The following PDK4 variants were observed in gnomAD, a reference collection of about 807,000 sequenced individuals.
PDK4 encodes the protein pyruvate dehydrogenase kinase, isozyme 4.
A neutral mutation model predicts 51.7 loss-of-function variants in PDK4; 43 were observed. The ratio of observed to expected loss-of-function variants is 0.83; its 90% CI spans 0.65 to 1.07. The LOEUF is 1.07. PDK4 is among the 50% of genes least tolerant of loss of function. The probability of loss-of-function intolerance (pLI) is 0.00; values close to 1 mark genes in which losing one functional copy is unlikely to be tolerated. For missense variants in PDK4, 498 were observed against 503.5 expected, an observed-to-expected ratio of 0.99 and a Z score of 0.10; for synonymous variants, 170 against 176.6, an observed-to-expected ratio of 0.96 and a Z score of 0.30.
At chr7:95,590,138 G>C (rs1791533283) in intron 6 of PDK4, among the ~76,000 whole-genome samples, 4 of 152,068 alleles carry the variant, frequency 2.6e-5, no homozygotes, top group African/African-American at 9.7e-5. Flanking sequence ...CTATAAATTA[G>C]ATTTTGTGGA....
chr7:95,592,875 G>A lies in PDK4; in HGVS notation c.414C>T (p.Ile138=). Residue 138 remains isoleucine, a synonymous_variant, in exon 4 of 11, where the codon ATC becomes ATT. Coordinates refer to ENST00000005178, the MANE Select transcript of PDK4 (RefSeq NM_002612.4). ...HNVVPTMAQG[I]IEYKDACTVD... ...CTGTACAGGCATCTTTATACTCTAT[G>A]ATTCCTTGTGCCATTGTAGGGACTA... The A allele has an allele frequency of 6.2e-7, 1 of 1,611,742 alleles. No individual in the cohort carries two copies. Among genetic ancestry groups the A allele is most frequent in the Non-Finnish European group, 8.5e-7 (1 of 1,178,080 alleles).
chr7:95,596,231 G>A lies in PDK4; in HGVS notation c.63C>T (p.Pro21=). The A allele has an allele frequency of 6.2e-7, 1 of 1,603,260 alleles. No homozygotes were observed. The highest frequency in any genetic ancestry group is 8.5e-7 in the Non-Finnish European group (1 of 1,175,044). ...AGCGCGAGAAATGCTCCACCTCTCG[G>A]GGCACCAGGCCGGCGCCGTTGAGCG... ...AGSLNGAGLV[P]REVEHFSRYS... Residue 21 remains proline, a synonymous_variant, in exon 1 of 11, where the codon CCC becomes CCT. Coordinates refer to ENST00000005178, the MANE Select transcript of PDK4 (RefSeq NM_002612.4).
intron 6 of PDK4, among the ~76,000 whole-genome samples, chr7:95,591,029 C>T (rs1229535338): frequency 8.5e-5 from 13 of 152,150 alleles, no homozygotes; most frequent in Non-Finnish European, 1.9e-4. Context: ...CCTTGACTTC[C>T]TGGTCTCAAG....
At position 95,592,849 on chromosome 7, in the gene PDK4, A is replaced by G. The variant is rs749470582; in HGVS notation, c.440T>C (p.Val147Ala). 6.2e-7 allele frequency: 1 copy of G among 1,611,808 alleles called. No homozygotes were observed. Among genetic ancestry groups the G allele is most frequent in the Non-Finnish European group, 8.5e-7 (1 of 1,178,170 alleles). Residue 147 changes from valine (V) to alanine (A), a missense_variant, in exon 4 of 11, where the codon GTT becomes GCT. Val to Ala is a moderately conservative substitution (Grantham distance 64). Transcript: ENST00000005178. ...GIIEYKDACT[V>A]DPVTNQNLQY... ...AAGATTTTGATTGGTGACTGGGTCAACTGTACAGGCATCTTTATACTCTAT... is the reference window on the plus strand; with the variant it reads ...AAGATTTTGATTGGTGACTGGGTCAGCTGTACAGGCATCTTTATACTCTAT...
chr7:95,590,577 A>G (rs895327046), intron 6 of PDK4, among the ~76,000 whole-genome samples: 1 of 152,170 alleles, frequency 6.6e-6, no homozygotes, highest in African/African-American at 2.4e-5. Context: ...GTTTATCTAC[A>G]AGTATTATGC....
At chr7:95,592,198 A>G in intron 5 of PDK4, 133 bp from the exon 6 acceptor site, 1 of 444,816 alleles carries the variant, frequency 2.2e-6, no homozygotes. Context: ...ATAAAAATAT[A>G]TTTTAATATT....
At chr7:95,590,667 T>C (rs112889246) in intron 6 of PDK4, among the ~76,000 whole-genome samples, 23 of 152,224 alleles carry the variant, frequency 1.5e-4, no homozygotes, top group Non-Finnish European at 1.2e-4. Flanking sequence ...CATTTGCTTG[T>C]CCCTAATCTG....
intron 10 of PDK4, among the ~76,000 whole-genome samples, 173 bp from the exon 11 acceptor site, chr7:95,585,954 C>G (rs1791476494): frequency 6.6e-6 from 1 of 152,120 alleles, no homozygotes; most frequent in Admixed American, 6.5e-5. Context: ...GTCTATGGCT[C>G]TTTCTTAATA....
Position 95,585,593 on chromosome 7 carries a change from C to A in PDK4, c.*48G>T. Reference sequence around the variant, plus strand: ...ACACACAAACATTCAGGAAGCAGCACTGGTGTAGACCCACTTTGATCCCGT... The same window carrying A: ...ACACACAAACATTCAGGAAGCAGCAATGGTGTAGACCCACTTTGATCCCGT... On this transcript the variant is annotated 3_prime_UTR_variant, in exon 11 of 11. Coordinates refer to ENST00000005178, the MANE Select transcript of PDK4 (RefSeq NM_002612.4). 6.6e-7 allele frequency: 1 copy of A among 1,514,094 alleles called. No homozygotes were observed. The highest frequency in any genetic ancestry group is 1.3e-5 in the South Asian group (1 of 76,808). The allele number at this position is 1,514,094 out of a possible 1,614,324, so 93.8% of individuals were successfully genotyped here. A position where few individuals can be genotyped will look rare whatever the true frequency, so the allele number is the denominator to read the frequency against.
chr7:95,594,219 A>C (rs996641501), intron 2 of PDK4, among the ~76,000 whole-genome samples: 1 of 152,146 alleles, frequency 6.6e-6, no homozygotes, highest in African/African-American at 2.4e-5. Context: ...GTATTTCTTG[A>C]ATCAATGAAC....
At position 95,594,601 on chromosome 7, in the gene PDK4, A is replaced by G. The variant is rs141836546; in HGVS notation, c.272+422T>C. On this transcript the variant is annotated intron_variant, in intron 2 of 10. Coordinates refer to ENST00000005178, the MANE Select transcript of PDK4 (RefSeq NM_002612.4). Reference sequence around the variant, plus strand: ...TAGAAGTGACAGAGGCAGGATTTGAACCCAGAGCCCACTCTGTCAATCACT... The same window carrying G: ...TAGAAGTGACAGAGGCAGGATTTGAGCCCAGAGCCCACTCTGTCAATCACT... 1.1e-3 allele frequency among the ~76,000 whole-genome samples: 162 copies of G among 152,300 alleles called. 1 individual carries two copies. Among genetic ancestry groups the G allele is most frequent in the African/African-American group, 3.7e-3 (153 of 41,574 alleles).
intron 2 of PDK4, among the ~76,000 whole-genome samples, chr7:95,594,450 G>A (rs1055167338): frequency 3.3e-5 from 5 of 150,868 alleles, no homozygotes; most frequent in African/African-American, 1.2e-4. Context: ...TCTTTTTTAT[G>A]GATTATCTCA....
chr7:95,587,490 A>G lies in PDK4; in HGVS notation c.909T>C (p.Ile303=). Residue 303 remains isoleucine (I), a synonymous_variant, in exon 9 of 11, where the codon ATT becomes ATC. Transcript: ENST00000005178. ...DRGGGVPLRI[I]DRLFSYTYST... ...AGTATGTATAACTAAAGAGGCGGTC[A>G]ATAATTCTCAGGGGAACACCACCTC... The G allele has an allele frequency of 1.2e-6, 2 of 1,610,650 alleles. No individual in the cohort carries two copies. Among genetic ancestry groups the G allele is most frequent in the African/African-American group, 1.3e-5 (1 of 74,986 alleles).
chr7:95,591,622 G>A (rs1241374238), intron 6 of PDK4, among the ~76,000 whole-genome samples: 2 of 152,084 alleles, frequency 1.3e-5, no homozygotes, highest in African/African-American at 4.8e-5. Flanking sequence ...CAGGTCTTAT[G>A]GGTAACCTCT....
chr7:95,590,866 CT>C (rs1562837745), intron 6 of PDK4, among the ~76,000 whole-genome samples: 5 of 152,246 alleles, frequency 3.3e-5, no homozygotes, highest in Middle Eastern at 3.4e-3. Flanking sequence ...AAAATAGTGC[CT>C]TTCGTTCATC....
intron 4 of PDK4, 72 bp from the exon 5 acceptor site, chr7:95,592,669 G>C: frequency 7.3e-7 from 1 of 1,365,636 alleles, no homozygotes; most frequent in Non-Finnish European, 1.0e-6. Flanking sequence ...CACTGAGAAT[G>C]TGACCCGCTG....
rs1410634831 is a variant in PDK4, at chr7:95,584,684, A to C, written c.*957T>G. Reference sequence around the variant, plus strand: ...TATATCTTTTAAGCCTAGAAAATGGATGCCTTTGGATTACCTTCATTTCAG... The same window carrying C: ...TATATCTTTTAAGCCTAGAAAATGGCTGCCTTTGGATTACCTTCATTTCAG... On this transcript the variant is annotated 3_prime_UTR_variant, in exon 11 of 11. Transcript: ENST00000005178. 1 of 152,208 alleles carries C rather than the reference A, an allele frequency of 6.6e-6. No individual in the cohort carries two copies. Among genetic ancestry groups the C allele is most frequent in the Non-Finnish European group, 1.5e-5 (1 of 68,024 alleles). 9.4% of individuals were successfully genotyped at this position (152,208 alleles called of 1,614,324 possible).
chr7:95,592,955 A>G lies in PDK4; in HGVS notation c.345-11T>C, dbSNP rs1233277335. ...AGTGTATCTACAAAGCTAAGCCACA[A>G]TATTTATGGTTAGTAAAAGTTCAAA... On this transcript the variant is annotated splice_polypyrimidine_tract_variant and intron_variant, in intron 3 of 10. Coordinates refer to ENST00000005178, the MANE Select transcript of PDK4 (RefSeq NM_002612.4). 1.3e-6 allele frequency: 2 copies of G among 1,544,438 alleles called. No homozygotes were observed. Among genetic ancestry groups the G allele is most frequent in the Admixed American group, 3.9e-5 (2 of 51,038 alleles).
In PDK4 at chr7:95,585,533, G is replaced by A. The variant is rs112832254; in HGVS notation, c.*108C>T. 73 of 970,334 alleles carry A rather than the reference G, an allele frequency of 7.5e-5. 1 individual carries two copies. The highest frequency in any genetic ancestry group is 5.3e-4 in the African/African-American group (33 of 61,900). The allele number at this position is 970,334 out of a possible 1,614,324, so 60.1% of individuals were successfully genotyped here. ...TCAGTGTTCTGATTAAGGAGTTTTC[G>A]TTGCTGTCGTTTGTTTTGGAGGAAA... is the stretch of plus-strand genomic sequence containing the variant. On this transcript the variant is annotated 3_prime_UTR_variant, in exon 11 of 11. Transcript: ENST00000005178.
Sources: allele counts gnomAD v4.1 joint callset (sites outside exome capture counted in the v4.1 genomes callset), GRCh38; gene constraint gnomAD v4.1.1; transcripts MANE v1.5; gene names NCBI Gene and HGNC (gene_info 2026-07-23, HGNC 2026-07-21).